Variants in EYA1 observed in about 807,000 individuals in gnomAD.
The protein encoded by EYA1 is EYA transcriptional coactivator and phosphatase 1.
A neutral mutation model predicts 82.0 loss-of-function variants in EYA1; 16 were observed. The observed-to-expected ratio is 0.20, with a 90% CI of 0.13 to 0.30. The LOEUF (loss-of-function observed/expected upper bound fraction) is 0.30, where lower values mean the gene tolerates loss of function less well. Ranked by LOEUF, EYA1 falls within the 10% of genes least tolerant of loss-of-function variation. The probability of loss-of-function intolerance (pLI) is 1.00; values close to 1 mark genes in which losing one functional copy is unlikely to be tolerated. For synonymous variants in EYA1, 261 were observed against 264.4 expected (o/e 0.99, Z 0.12); for missense variants, 633 against 730.7 (o/e 0.87, Z 1.54).
chr8:71,456,866 TA>T (rs929494534), intron 2 of EYA1, among the ~76,000 whole-genome samples: 27 of 152,136 alleles, frequency 1.8e-4, no homozygotes, highest in Non-Finnish European at 3.1e-4. Flanking sequence ...ACTTCATGTC[TA>T]AAACATGAAA....
chr8:71,391,135 A>G (rs1186464278), intron 2 of EYA1, among the ~76,000 whole-genome samples: 1 of 152,004 alleles, frequency 6.6e-6, no homozygotes, highest in Non-Finnish European at 1.5e-5. Flanking sequence ...CACCACACAC[A>G]ACTAATTTTT....
chr8:71,258,394 T>C (rs933345327), intron 11 of EYA1, among the ~76,000 whole-genome samples: 4 of 152,198 alleles, frequency 2.6e-5, no homozygotes, highest in African/African-American at 9.6e-5. Context: ...AAGGGTGCCA[T>C]TTGGTGGTAC....
At chr8:71,533,041 T>C (rs1288026488) in intron 2 of EYA1, among the ~76,000 whole-genome samples, 1 of 152,134 alleles carries the variant, frequency 6.6e-6, no homozygotes, top group African/African-American at 2.4e-5. Flanking sequence ...AGGATTCCAT[T>C]TGCATGAACT....
At chr8:71,415,840 G>C (rs1430894761) in intron 2 of EYA1, among the ~76,000 whole-genome samples, 1 of 152,154 alleles carries the variant, frequency 6.6e-6, no homozygotes, top group Non-Finnish European at 1.5e-5. Context: ...CATAAACAAA[G>C]ACAAATTTCT....
intron 12 of EYA1, chr8:71,225,060 T>C: frequency 3.3e-6 from 1 of 305,004 alleles, no homozygotes; most frequent in South Asian, 2.9e-5. Flanking sequence ...TGTCCATGAA[T>C]TAGTAAATTT....
intron 9 of EYA1, among the ~76,000 whole-genome samples, chr8:71,274,950 G>A (rs1418776015): frequency 1.3e-5 from 2 of 152,272 alleles, no homozygotes; most frequent in Non-Finnish European, 2.9e-5. Flanking sequence ...GAGAGCAAGC[G>A]AGTGAACAAG....
chr8:71,441,456 A>G (rs774078826), intron 2 of EYA1, among the ~76,000 whole-genome samples: 36 of 152,214 alleles, frequency 2.4e-4, no homozygotes, highest in Non-Finnish European at 1.2e-4. Flanking sequence ...CCCAACCCCA[A>G]TCAGACTGGA....
At chr8:71,302,460 G>A (rs1314107205) in intron 7 of EYA1, among the ~76,000 whole-genome samples, 1 of 151,872 alleles carries the variant, frequency 6.6e-6, no homozygotes, top group Non-Finnish European at 1.5e-5. Flanking sequence ...TTCCAAGACT[G>A]TACATTAGCT....
intron 7 of EYA1, 149 bp downstream of exon 7, chr8:71,317,403 G>T: frequency 1.3e-6 from 1 of 764,774 alleles, no homozygotes; most frequent in Non-Finnish European, 2.2e-6. Flanking sequence ...ATAGGTAAGT[G>T]ATGAATCAAA....
At chr8:71,397,288 A>C (rs183129394) in intron 2 of EYA1, among the ~76,000 whole-genome samples, 1 of 152,122 alleles carries the variant, frequency 6.6e-6, no homozygotes, top group Non-Finnish European at 1.5e-5. Flanking sequence ...GCCTATTTAC[A>C]TTTAAGGTTA....
chr8:71,416,394 T>C (rs959979379), intron 2 of EYA1, among the ~76,000 whole-genome samples: 4 of 152,236 alleles, frequency 2.6e-5, no homozygotes, highest in African/African-American at 9.6e-5. Context: ...TTGTGCCATC[T>C]GGGTGGAATT....
intron 11 of EYA1, among the ~76,000 whole-genome samples, chr8:71,248,192 T>C (rs1217712479): frequency 6.6e-6 from 1 of 152,204 alleles, no homozygotes; most frequent in East Asian, 1.9e-4. Flanking sequence ...TGTTATTAGC[T>C]GTCATTCCTC....
At position 71,521,974 on chromosome 8, in the gene EYA1, T is replaced by C. The variant is rs1813434023; in HGVS notation, c.33+13770A>G. Reference sequence around the variant, plus strand: ...GACAAACTGAAGCTTATAAAGCTTATTGCTTAATCATGGATCATATGTCAT... The same window carrying C: ...GACAAACTGAAGCTTATAAAGCTTACTGCTTAATCATGGATCATATGTCAT... On this transcript the variant is annotated intron_variant, in intron 2 of 18. Coordinates refer to the EYA1 transcript ENST00000643681. Among the ~76,000 whole-genome samples the C allele has an allele frequency of 1.3e-5, 2 of 152,182 alleles. 1 individual carries two copies. The highest frequency in any genetic ancestry group is 4.1e-4 in the South Asian group (2 of 4,830).
At chr8:71,482,925 CCTT>C (rs890899320) in intron 2 of EYA1, among the ~76,000 whole-genome samples, 5 of 152,094 alleles carry the variant, frequency 3.3e-5, no homozygotes, top group Non-Finnish European at 7.4e-5. Context: ...ATGCTGTATT[CCTT>C]CTTCTTCCTG....
At chr8:71,270,719 C>T (rs1816417284) in intron 10 of EYA1, among the ~76,000 whole-genome samples, 1 of 152,178 alleles carries the variant, frequency 6.6e-6, no homozygotes, top group East Asian at 1.9e-4. Context: ...TTAATCCTTC[C>T]TGCTTTTGAA....
chr8:71,327,938 C>T (rs1823356146), intron 4 of EYA1, among the ~76,000 whole-genome samples: 2 of 150,790 alleles, frequency 1.3e-5, no homozygotes, highest in South Asian at 4.2e-4. Flanking sequence ...TCACTGCAAC[C>T]TCCGCCTCCT....
At chr8:71,547,243 T>A (rs1035737832) in intron 1 of EYA1, among the ~76,000 whole-genome samples, 1 of 152,210 alleles carries the variant, frequency 6.6e-6, no homozygotes, top group African/African-American at 2.4e-5. Flanking sequence ...GCCCTCCAGA[T>A]GTTTCCCATT....
chr8:71,329,620 G>C (rs1041983978), intron 4 of EYA1, among the ~76,000 whole-genome samples: 7 of 152,116 alleles, frequency 4.6e-5, no homozygotes, highest in Admixed American at 2.6e-4. Context: ...AGTCACTTCG[G>C]AGGAAAAAGT....
At chr8:71,248,813 A>T (rs1347428491) in intron 11 of EYA1, among the ~76,000 whole-genome samples, 1 of 152,222 alleles carries the variant, frequency 6.6e-6, no homozygotes, top group African/African-American at 2.4e-5. Flanking sequence ...GTCAAATGTG[A>T]AAAAAGCTAA....
Sources: gnomAD v4.1 joint callset for allele counts (sites outside exome capture counted in the v4.1 genomes callset) on GRCh38, gnomAD v4.1.1 for gene constraint, MANE v1.5 for transcripts, NCBI Gene and HGNC (gene_info 2026-07-23, HGNC 2026-07-21) for gene names.